Variants in TXNDC15 observed in about 807,000 individuals in gnomAD.
TXNDC15 encodes the protein thioredoxin domain-containing protein 15.
TXNDC15 carries 24 observed loss-of-function variants against 35.0 expected under a neutral mutation model. That is an observed-to-expected ratio of 0.68 (90% CI 0.50 to 0.96). TXNDC15 has a LOEUF of 0.96. TXNDC15 is among the 40% of genes least tolerant of loss of function. The pLI is 0.00. For synonymous variants in TXNDC15, 169 were observed against 174.0 expected (o/e 0.97, Z 0.23); for missense variants, 385 against 453.3 (o/e 0.85, Z 1.37).
At chr5:134,887,007 C>G (rs543146366) in intron 1 of TXNDC15, among the ~76,000 whole-genome samples, 2 of 152,248 alleles carry the variant, frequency 1.3e-5, no homozygotes, top group East Asian at 3.9e-4. Context: ...TGATCCTTTT[C>G]TTGGATATTA....
At chr5:134,887,637 T>C in intron 1 of TXNDC15, 58 bp from the exon 2 acceptor site, 4 of 1,515,704 alleles carry the variant, frequency 2.6e-6, no homozygotes, top group Non-Finnish European at 3.5e-6. Flanking sequence ...ACTGTAATTC[T>C]TTGGGGTTCA....
chr5:134,874,648 C>T, intron 1 of TXNDC15, 118 bp downstream of exon 1: 1 of 800,482 alleles, frequency 1.2e-6, no homozygotes, highest in Non-Finnish European at 1.8e-6. Context: ...TTGGCGTCTC[C>T]CCGGGCGCGT....
chr5:134,875,322 C>A (rs1475664172), intron 1 of TXNDC15: 1 of 456,282 alleles, frequency 2.2e-6, no homozygotes, highest in South Asian at 1.5e-5. Flanking sequence ...TAGACCTTAA[C>A]AGGAATAGGC....
chr5:134,882,448 G>A (rs1354313251), intron 1 of TXNDC15, among the ~76,000 whole-genome samples: 1 of 152,292 alleles, frequency 6.6e-6, no homozygotes, highest in East Asian at 1.9e-4. Context: ...GGTGGCGGCC[G>A]GGCAGAGGCT....
intron 1 of TXNDC15, among the ~76,000 whole-genome samples, chr5:134,885,890 G>C (rs1167841125): frequency 6.6e-6 from 1 of 152,154 alleles, no homozygotes; most frequent in Non-Finnish European, 1.5e-5. Context: ...TCTGGTTCTT[G>C]TTACTCCATC....
rs539501793 is a variant in TXNDC15, at chr5:134,883,355, C to A, written c.104-4340C>A. Among the ~76,000 whole-genome samples, 4 of 151,966 alleles carry A rather than the reference C, an allele frequency of 2.6e-5. No individual in the cohort carries two copies. In the South Asian group the frequency reaches 6.2e-4, roughly 24 times the overall value. On this transcript the variant is annotated intron_variant, in intron 1 of 4. Transcript: ENST00000358387. ...CAGGAGAATTCCTTGAACCGGAACC[C>A]AGGAGGAGGTAGCAGTGAGTGAGAT...
chr5:134,884,094 C>T (rs1162014901), intron 1 of TXNDC15, among the ~76,000 whole-genome samples: 6 of 150,672 alleles, frequency 4.0e-5, no homozygotes, highest in African/African-American at 7.3e-5. Context: ...GTGGCAGGCA[C>T]CTATAATCCC....
At chr5:134,881,811 G>C (rs954677737) in intron 1 of TXNDC15, among the ~76,000 whole-genome samples, 15 of 150,248 alleles carry the variant, frequency 1.0e-4, no homozygotes, top group South Asian at 4.2e-4. Context: ...CTGGCCGGGC[G>C]GGGGGCTGAC....
At chr5:134,880,216 C>A (rs1232089624) in intron 1 of TXNDC15, among the ~76,000 whole-genome samples, 1 of 152,106 alleles carries the variant, frequency 6.6e-6, no homozygotes, top group African/African-American at 2.4e-5. Flanking sequence ...ACCTTCCTCG[C>A]CCCCTTTATA....
At chr5:134,878,869 C>T (rs1197017691) in intron 1 of TXNDC15, among the ~76,000 whole-genome samples, 4 of 152,120 alleles carry the variant, frequency 2.6e-5, no homozygotes, top group South Asian at 2.1e-4. Flanking sequence ...TGTGGTGGTG[C>T]GCATCTGTAA....
chr5:134,884,426 T>C (rs998043385), intron 1 of TXNDC15, among the ~76,000 whole-genome samples: 11 of 151,734 alleles, frequency 7.2e-5, no homozygotes, highest in Non-Finnish European at 1.2e-4. Context: ...TTTTGTATTT[T>C]TAGTAGAGAT....
chr5:134,884,420 G>C (rs900983379), intron 1 of TXNDC15, among the ~76,000 whole-genome samples: 3 of 151,106 alleles, frequency 2.0e-5, no homozygotes, highest in Admixed American at 1.3e-4. Context: ...GGCTAATTTT[G>C]TATTTTTAGT....
rs890317647 is a variant in TXNDC15, at chr5:134,888,311, C to T, written c.591+129C>T. ...TAAGCGAGATAGCATTTAATGGCTGCTTCAGTGAAAATCAACTTTGCCCTC... is the reference window on the plus strand; with the variant it reads ...TAAGCGAGATAGCATTTAATGGCTGTTTCAGTGAAAATCAACTTTGCCCTC... On this transcript the variant is annotated intron_variant, in intron 2 of 4. Transcript: ENST00000358387. 5 of 974,204 alleles carry T rather than the reference C, an allele frequency of 5.1e-6. No homozygotes were observed. The African/African-American group carries it at 8.2e-5, about 16-fold the overall frequency. The allele number at this position is 974,204 out of a possible 1,614,324, so 60.3% of individuals were successfully genotyped here. A position where few individuals can be genotyped will look rare whatever the true frequency, so the allele number is the denominator to read the frequency against.
At position 134,896,441 on chromosome 5, in the gene TXNDC15, T is replaced by G. The variant is rs1272869764; in HGVS notation, c.886+17T>G. The G allele has an allele frequency of 6.2e-7, 1 of 1,612,542 alleles. No homozygotes were observed. The highest frequency in any genetic ancestry group is 1.1e-5 in the South Asian group (1 of 90,760). ...ATCAGACAGGTATGTGGAAGTAATG[T>G]GCTGAGGAAGAAGATATTCTATTGC... On this transcript the variant is annotated intron_variant, in intron 4 of 4. Coordinates refer to ENST00000358387, the MANE Select transcript of TXNDC15 (RefSeq NM_024715.4).
At chr5:134,894,378 T>C (rs1750448912) in intron 3 of TXNDC15, among the ~76,000 whole-genome samples, 2 of 150,342 alleles carry the variant, frequency 1.3e-5, no homozygotes, top group African/African-American at 2.4e-5. Flanking sequence ...TCTTTTTTTT[T>C]TTTTTTTGAG....
At chr5:134,877,773 AATT>A (rs1750069306) in intron 1 of TXNDC15, among the ~76,000 whole-genome samples, 1 of 148,604 alleles carries the variant, frequency 6.7e-6, no homozygotes. Flanking sequence ...ATGCCTGGCT[AATT>A]TTTTTTTTTT....
chr5:134,881,746 A>C (rs1750150134), intron 1 of TXNDC15, among the ~76,000 whole-genome samples: 1 of 146,398 alleles, frequency 6.8e-6, no homozygotes, highest in African/African-American at 2.5e-5. Context: ...GGGGCTCCTC[A>C]CTTCCCAGTA....
chr5:134,885,331 G>C (rs866228382), intron 1 of TXNDC15, among the ~76,000 whole-genome samples: 2 of 152,194 alleles, frequency 1.3e-5, no homozygotes, highest in Non-Finnish European at 2.9e-5. Flanking sequence ...TTTCTTTAGG[G>C]TTAATAGTGT....
chr5:134,882,349 A>G lies in TXNDC15; in HGVS notation c.104-5346A>G, dbSNP rs1046466586. ...TGGCGGCCGGGCAGAGATGCTCCTC[A>G]CTTTCCAGACTGGGCAGCCAGGCAG... is the stretch of plus-strand genomic sequence containing the variant. On this transcript the variant is annotated intron_variant, in intron 1 of 4. Coordinates refer to ENST00000358387, the MANE Select transcript of TXNDC15 (RefSeq NM_024715.4). Among the ~76,000 whole-genome samples, 844 of 148,580 alleles carry G rather than the reference A, an allele frequency of 5.7e-3. 9 individuals carry two copies. Among genetic ancestry groups the G allele is most frequent in the African/African-American group, 0.02 (790 of 39,834 alleles).
Sources: allele counts gnomAD v4.1 joint callset (sites outside exome capture counted in the v4.1 genomes callset), GRCh38; gene constraint gnomAD v4.1.1; transcripts MANE v1.5; gene names NCBI Gene and HGNC (gene_info 2026-07-23, HGNC 2026-07-21).